CCDC73: variants seen among roughly 807,000 people sequenced by gnomAD.
CCDC73 encodes the protein coiled-coil domain containing 73, also known as coiled-coil domain-containing protein 73.
A neutral mutation model predicts 116.5 loss-of-function variants in CCDC73; 95 were observed. The ratio of observed to expected loss-of-function variants is 0.82; its 90% CI spans 0.69 to 0.97. The LOEUF is 0.97. CCDC73 is among the 50% of genes least tolerant of loss of function. The pLI is 0.00. For synonymous variants in CCDC73, 398 were observed against 401.3 expected (o/e 0.99, Z 0.10); for missense variants, 1,066 against 1,206.8 (o/e 0.88, Z 1.73).
intron 2 of CCDC73, among the ~76,000 whole-genome samples, chr11:32,745,099 A>T (rs1017963485): frequency 3.3e-5 from 5 of 152,096 alleles, no homozygotes; most frequent in Non-Finnish European, 5.9e-5. Flanking sequence ...ACTCTGGTAC[A>T]TTGCGTCTTT....
intron 2 of CCDC73, among the ~76,000 whole-genome samples, chr11:32,728,637 T>C (rs1445233798): frequency 2.6e-5 from 4 of 152,212 alleles, no homozygotes; most frequent in Admixed American, 1.3e-4. Context: ...CACAGACGTC[T>C]ATATTTATCT....
chr11:32,794,045 TA>T lies in CCDC73; in HGVS notation c.-16+567del, dbSNP rs200219204. Among the ~76,000 whole-genome samples the T allele has an allele frequency of 1.1e-4, 16 of 152,084 alleles. No homozygotes were observed. In the East Asian group the frequency reaches 3.1e-3, roughly 29 times the overall value. On this transcript the variant is annotated intron_variant, in intron 1 of 17. Coordinates refer to ENST00000335185, the MANE Select transcript of CCDC73 (RefSeq NM_001008391.4). ...AATCACCAGCAGAATGAAGAAAAAA[TA>T]GAGAAATGTCCCTGGGAATTTACAC...
intron 1 of CCDC73, 59 bp from the exon 2 acceptor site, chr11:32,760,317 A>G (rs1268338983): frequency 2.0e-6 from 2 of 975,852 alleles, no homozygotes; most frequent in Non-Finnish European, 3.1e-6. Flanking sequence ...AAGTAAAAGC[A>G]TAGTTACCAT....
intron 6 of CCDC73, 105 bp downstream of exon 6, chr11:32,699,146 A>G (rs1849786809): frequency 8.0e-7 from 1 of 1,248,272 alleles, no homozygotes; most frequent in South Asian, 1.9e-5. Flanking sequence ...TATTAGATAT[A>G]AACTTTTGTC....
intron 1 of CCDC73, among the ~76,000 whole-genome samples, chr11:32,776,386 C>T (rs997790545): frequency 6.6e-6 from 1 of 152,078 alleles, no homozygotes; most frequent in Admixed American, 6.6e-5. Context: ...AAATCAAGCC[C>T]AAATTCCTGT....
In CCDC73 at chr11:32,613,812, G is replaced by A. The variant is rs750257960; in HGVS notation, c.2506C>T (p.Gln836Ter). The change falls in exon 16 of 18, where the codon CAG becomes TAG. Residue 836 changes from glutamine to a stop codon, truncating the protein, a stop_gained. Transcript: ENST00000335185. LOFTEE classifies it high-confidence loss of function. The stretch of plus-strand genomic sequence containing the variant: ...TCTGTATTATTTAACAATGTATGCT[G>A]TCTTTCATTAATGCTCACAAAAAGG... Reference protein sequence around the residue: ...LFLFVSINERQHTLLNNTEKT... With the variant: ...LFLFVSINER 1 of 1,613,594 alleles carries A rather than the reference G, an allele frequency of 6.2e-7. No individual in the cohort carries two copies. The highest frequency in any genetic ancestry group is 1.1e-5 in the South Asian group (1 of 91,068).
chr11:32,730,143 G>A (rs938360691), intron 2 of CCDC73, among the ~76,000 whole-genome samples: 23 of 152,116 alleles, frequency 1.5e-4, no homozygotes, highest in South Asian at 8.3e-4. Flanking sequence ...TACTCCTTCT[G>A]GTGTCATTTT....
At chr11:32,730,448 T>C (rs1279278261) in intron 2 of CCDC73, among the ~76,000 whole-genome samples, 1 of 152,218 alleles carries the variant, frequency 6.6e-6, no homozygotes, top group African/African-American at 2.4e-5. Context: ...AATTCTAGGT[T>C]GGTAGTTATT....
chr11:32,665,800 T>C (rs1855975686), intron 9 of CCDC73, among the ~76,000 whole-genome samples: 1 of 152,188 alleles, frequency 6.6e-6, no homozygotes. Context: ...CTGGTACTGG[T>C]TGTTCCTTCC....
At chr11:32,737,231 CTGTGTG>C (rs200606807) in intron 2 of CCDC73, among the ~76,000 whole-genome samples, 11,563 of 137,558 alleles carry the variant, frequency 0.084, 525 homozygotes, top group African/African-American at 0.14. Context: ...CATAGTAGGG[CTGTGTG>C]TGTGTGTGTG....
chr11:32,738,565 T>C (rs1266968355), intron 2 of CCDC73, among the ~76,000 whole-genome samples: 2 of 152,146 alleles, frequency 1.3e-5, no homozygotes, highest in Admixed American at 6.6e-5. Context: ...TTTTCCTATA[T>C]AGATGTTTGA....
chr11:32,606,792 T>C (rs1012886659), intron 17 of CCDC73, among the ~76,000 whole-genome samples: 4 of 148,652 alleles, frequency 2.7e-5, no homozygotes, highest in Non-Finnish European at 4.4e-5. Context: ...TTAAAAATTC[T>C]ATAAAAATAA....
chr11:32,750,947 C>T (rs1850282811), intron 2 of CCDC73, among the ~76,000 whole-genome samples: 1 of 152,180 alleles, frequency 6.6e-6, no homozygotes, highest in Non-Finnish European at 1.5e-5. Context: ...ATGTCTGAGT[C>T]TCACCCAAGG....
chr11:32,674,658 C>A (rs933924418), intron 9 of CCDC73, among the ~76,000 whole-genome samples: 1 of 27,326 alleles, frequency 3.7e-5, no homozygotes, highest in African/African-American at 1.3e-4. Context: ...CTTTTCTCAG[C>A]CTATTGTAGG....
intron 9 of CCDC73, 35 bp downstream of exon 9, chr11:32,675,530 T>G (rs753531792): frequency 7.7e-7 from 1 of 1,301,124 alleles, no homozygotes; most frequent in African/African-American, 1.5e-5. Context: ...ATATTATAAT[T>G]TTTACTTAGT....
chr11:32,738,069 T>C (rs1196799646), intron 2 of CCDC73, among the ~76,000 whole-genome samples: 4 of 152,254 alleles, frequency 2.6e-5, no homozygotes, highest in African/African-American at 9.6e-5. Context: ...ATACACTGTG[T>C]ATATGTACCA....
chr11:32,761,746 T>C lies in CCDC73; in HGVS notation c.-15-1488A>G, dbSNP rs137962588. 4.7e-3 allele frequency among the ~76,000 whole-genome samples: 708 copies of C among 151,966 alleles called. 3 individuals carry two copies. The highest frequency in any genetic ancestry group is 0.016 in the African/African-American group (671 of 41,406). On this transcript the variant is annotated intron_variant, in intron 1 of 17. Coordinates refer to ENST00000335185, the MANE Select transcript of CCDC73 (RefSeq NM_001008391.4). The stretch of plus-strand genomic sequence containing the variant: ...TATGTGCAAAAGACTCATATGCACA[T>C]ATATATAGACACAGACCTACACACA...
At chr11:32,694,619 T>G (rs1286912536) in intron 6 of CCDC73, among the ~76,000 whole-genome samples, 1 of 152,118 alleles carries the variant, frequency 6.6e-6, no homozygotes, top group Non-Finnish European at 1.5e-5. Context: ...AAAATATACT[T>G]TCTATATTGT....
chr11:32,675,418 G>T (rs1856077118), intron 9 of CCDC73, 147 bp downstream of exon 9: 1 of 532,214 alleles, frequency 1.9e-6, no homozygotes, highest in Admixed American at 3.7e-5. Context: ...ACCTTTACTG[G>T]AATCATAACT....
Sources: gnomAD v4.1 joint callset for allele counts (sites outside exome capture counted in the v4.1 genomes callset) on GRCh38, gnomAD v4.1.1 for gene constraint, MANE v1.5 for transcripts, NCBI Gene and HGNC (gene_info 2026-07-23, HGNC 2026-07-21) for gene names.